Variants in CLIC3 observed in about 807,000 individuals in gnomAD.
CLIC3 encodes chloride intracellular channel protein 3.
A neutral mutation model predicts 19.9 loss-of-function variants in CLIC3; 29 were observed. That is an observed-to-expected ratio of 1.46 (90% confidence interval 1.09 to 1.99). CLIC3 has a LOEUF of 1.99. Ranked by LOEUF, CLIC3 falls within the 30% of genes most tolerant of loss-of-function variation. The pLI is 0.00. For synonymous variants in CLIC3, 143 were observed against 156.4 expected, an observed-to-expected ratio of 0.91 and a Z score of 0.64; for missense variants, 365 against 342.6, an observed-to-expected ratio of 1.07 and a Z score of -0.52.
At position 136,995,092 on chromosome 9, in the gene CLIC3, C is replaced by A; in HGVS notation, c.390G>T (p.Gln130His). The change falls in exon 5 of 6, where the codon CAG (glutamine) becomes CAT (histidine). Residue 130 changes from glutamine to histidine, a missense_variant. Physicochemically the swap from Gln to His is conservative, Grantham distance 24. Coordinates refer to ENST00000494426, the MANE Select transcript of CLIC3 (RefSeq NM_004669.3). Reference sequence around the variant, plus strand: ...CCAGCCTGGCGAGGGCGCGCAGCAGCTGCTGGTACAGGGCTAGGGGGCAGG... The same window carrying A: ...CCAGCCTGGCGAGGGCGCGCAGCAGATGCTGGTACAGGGCTAGGGGGCAGG... The part of the protein sequence containing the change: ...VPAQDEALYQ[Q>H]LLRALARLDS... 6.5e-7 allele frequency: 1 copy of A among 1,531,984 alleles called. No individual in the cohort carries two copies. Among genetic ancestry groups the A allele is most frequent in the South Asian group, 1.2e-5 (1 of 82,852 alleles). The allele number at this position is 1,531,984 out of a possible 1,614,324, so 94.9% of individuals were successfully genotyped here.
At position 136,995,248 on chromosome 9, in the gene CLIC3, C is replaced by T. The variant is rs1830684593; in HGVS notation, c.314G>A (p.Gly105Asp). 6.2e-7 allele frequency: 1 copy of T among 1,612,648 alleles called. No homozygotes were observed. The highest frequency in any genetic ancestry group is 1.7e-5 in the Admixed American group (1 of 60,000). Residue 105 changes from glycine to aspartate, a missense_variant, in exon 4 of 6, where the codon GGC (glycine) becomes GAC (aspartate). Physicochemically the swap from Gly to Asp is moderately conservative, Grantham distance 94 (BLOSUM62 -1). Coordinates refer to ENST00000494426, the MANE Select transcript of CLIC3 (RefSeq NM_004669.3). ...GGAGAACTTGTGGAAAACGTCGTTG[C>T]CGGCGGTGTTGGACTCCCTGTAACG... ...APRYRESNTA[G>D]NDVFHKFSAF... is the part of the protein sequence containing the mutation.
chr9:136,996,348 C>G (rs1202558943), intron 1 of CLIC3, among the ~76,000 whole-genome samples, 163 bp downstream of exon 1: 1 of 152,194 alleles, frequency 6.6e-6, no homozygotes, highest in African/African-American at 2.4e-5. Context: ...CGCTGGGTCC[C>G]ACTTTACTCA....
intron 1 of CLIC3, 83 bp from the exon 2 acceptor site, chr9:136,995,840 C>G (rs1830697665): frequency 1.1e-6 from 1 of 946,132 alleles, no homozygotes; most frequent in African/African-American, 1.7e-5. Context: ...GGACCCGCCT[C>G]CCACTGCCAG....
chr9:136,995,663 G>C lies in CLIC3; in HGVS notation c.128C>G (p.Thr43Arg). 6.2e-7 allele frequency: 1 copy of C among 1,610,750 alleles called. No homozygotes were observed. The highest frequency in any genetic ancestry group is 1.1e-5 in the South Asian group (1 of 90,846). ...GGGGCCTCACCTGCGCGTGTCCACC[G>C]TGGTGAGGGTGAAAGGTACGCCCTT... ...LLKGVPFTLT[T>R]VDTRRSPDVL... Residue 43 changes from threonine to arginine, a missense_variant, in exon 2 of 6, where the codon ACG becomes AGG. Coordinates refer to ENST00000494426, the MANE Select transcript of CLIC3 (RefSeq NM_004669.3).
chr9:136,996,379 G>GT, intron 1 of CLIC3, 132 bp downstream of exon 1: 1 of 818,726 alleles, frequency 1.2e-6, no homozygotes, highest in Non-Finnish European at 2.0e-6. Context: ...GGCTGCCTGA[G>GT]TCCCCCTAGC....
intron 1 of CLIC3, 122 bp downstream of exon 1, chr9:136,996,389 C>A: frequency 1.1e-6 from 1 of 897,004 alleles, no homozygotes; most frequent in East Asian, 2.6e-5. Context: ...GTCCCCCTAG[C>A]CACCCACAGG....
At chr9:136,994,891 C>T (rs1233598208) in intron 5 of CLIC3, 39 bp downstream of exon 5, 10 of 1,474,880 alleles carry the variant, frequency 6.8e-6, no homozygotes, top group Non-Finnish European at 7.1e-6. Flanking sequence ...CCCAGGCGCG[C>T]CGCGGTCACC....
Position 136,994,836 on chromosome 9 carries a change from C to A in CLIC3, c.556G>T (p.Val186Leu), listed in dbSNP as rs981210552. 1.9e-6 allele frequency: 3 copies of A among 1,558,170 alleles called. No homozygotes were observed. Among genetic ancestry groups the A allele is most frequent in the Non-Finnish European group, 2.6e-6 (3 of 1,153,398 alleles). ...LLPKLHIVDT[V>L]CAHFRQAPIP... ...GGCGCCTGGCGGAAGTGCGCGCACA[C>A]CGTCTGCGGGCAGGATCGCGGGGCG... is the stretch of plus-strand genomic sequence containing the variant. The change falls in exon 6 of 6, where the codon GTG (valine) becomes TTG (leucine). Residue 186 changes from valine (V) to leucine (L), a missense_variant. Physicochemically the swap from Val to Leu is conservative, Grantham distance 32. Transcript: ENST00000494426.
Position 136,994,678 on chromosome 9 carries a change from G to A in CLIC3, c.*3C>T. On this transcript the variant is annotated 3_prime_UTR_variant, in exon 6 of 6. Transcript: ENST00000494426. ...TATTGGGCGACAGACGCGGGGTGGGGCGCTAGCGGGGGTGCACGGCGGGCC... is the reference window on the plus strand; with the variant it reads ...TATTGGGCGACAGACGCGGGGTGGGACGCTAGCGGGGGTGCACGGCGGGCC... 1 of 1,605,698 alleles carries A rather than the reference G, an allele frequency of 6.2e-7. No homozygotes were observed. The highest frequency in any genetic ancestry group is 8.5e-7 in the Non-Finnish European group (1 of 1,176,722).
intron 5 of CLIC3, 24 bp from the exon 6 acceptor site, chr9:136,994,863 G>C: frequency 1.4e-5 from 21 of 1,517,316 alleles, no homozygotes; most frequent in Non-Finnish European, 1.8e-5. Context: ...CGCGGGGCGC[G>C]GTCAGGACCT....
intron 1 of CLIC3, 138 bp downstream of exon 1, chr9:136,996,373 G>A: frequency 1.3e-6 from 1 of 777,476 alleles, no homozygotes; most frequent in Non-Finnish European, 2.1e-6. Flanking sequence ...CTGTAGGGCT[G>A]CCTGAGTCCC....
rs950513029 is a variant in CLIC3, at chr9:136,995,479, T to C, written c.232A>G (p.Ile78Val). 3.1e-6 allele frequency: 5 copies of C among 1,612,644 alleles called. No homozygotes were observed. In the East Asian group the frequency reaches 8.9e-5, roughly 29 times the overall value. The change falls in exon 3 of 6, where the codon ATC becomes GTC. Residue 78 changes from isoleucine (I) to valine (V), a missense_variant. Physicochemically the swap from Ile to Val is conservative, Grantham distance 29. Coordinates refer to ENST00000494426, the MANE Select transcript of CLIC3 (RefSeq NM_004669.3). ...DSDAKTDTLQ[I>V]EDFLEETLGP... ...AGCGTCTCCTCCAGAAAGTCCTCGATCTGCAGCGTGTCTGTCTTGGCGTCG... is the reference window on the plus strand; with the variant it reads ...AGCGTCTCCTCCAGAAAGTCCTCGACCTGCAGCGTGTCTGTCTTGGCGTCG...
rs1278420875 is a variant in CLIC3, at chr9:136,995,545, A to G, written c.166T>C (p.Phe56Leu). ...ATGGGCAGCTGCGAGCCGGGGGCGA[A>G]GTCCTTCAGCACGTCCGGGGACCTG... The part of the protein sequence containing the change: ...TRRSPDVLKD[F>L]APGSQLPILL... The change falls in exon 3 of 6, where the codon TTC becomes CTC. Residue 56 changes from phenylalanine to leucine, a missense_variant. Coordinates refer to ENST00000494426, the MANE Select transcript of CLIC3 (RefSeq NM_004669.3). 1 of 1,612,388 alleles carries G rather than the reference A, an allele frequency of 6.2e-7. No homozygotes were observed. The highest frequency in any genetic ancestry group is 1.1e-5 in the South Asian group (1 of 91,078).
chr9:136,996,481 ACCCT>A, intron 1 of CLIC3, 26 bp downstream of exon 1: 1 of 1,549,360 alleles, frequency 6.5e-7, no homozygotes, highest in African/African-American at 1.4e-5. Flanking sequence ...CCTCCCAGAC[ACCCT>A]CCCCGCAGCT....
At chr9:136,995,356 C>T in intron 3 of CLIC3, 64 bp from the exon 4 acceptor site, 1 of 1,609,080 alleles carries the variant, frequency 6.2e-7, no homozygotes, top group Non-Finnish European at 8.5e-7. Context: ...CCCACAGTAC[C>T]CCCACAGCGC....
In CLIC3 at chr9:136,994,850, G is replaced by C. The variant is rs1274881177; in HGVS notation, c.553-11C>G. The C allele has an allele frequency of 7.8e-6, 12 of 1,538,344 alleles. No individual in the cohort carries two copies. The highest frequency in any genetic ancestry group is 1.0e-5 in the Non-Finnish European group (12 of 1,144,486). On this transcript the variant is annotated splice_polypyrimidine_tract_variant and intron_variant, in intron 5 of 5. Coordinates refer to ENST00000494426, the MANE Select transcript of CLIC3 (RefSeq NM_004669.3). ...GTGCGCGCACACCGTCTGCGGGCAG[G>C]ATCGCGGGGCGCGGTCAGGACCTGC...
Position 136,995,077 on chromosome 9 carries a change from G to T in CLIC3, c.405C>A (p.Leu135=). ...EALYQQLLRA[L]ARLDSYLRAP... is the part of the protein sequence containing the mutation. ...CGCGCAGGTAGCTGTCCAGCCTGGC[G>T]AGGGCGCGCAGCAGCTGCTGGTACA... Residue 135 remains leucine, a synonymous_variant, in exon 5 of 6, where the codon CTC becomes CTA. Transcript: ENST00000494426. The T allele has an allele frequency of 6.6e-7, 1 of 1,520,054 alleles. No homozygotes were observed. 94.2% of individuals were successfully genotyped at this position (1,520,054 alleles called of 1,614,324 possible).
chr9:136,995,342 C>T lies in CLIC3; in HGVS notation c.270-50G>A, dbSNP rs768602084. 9.3e-6 allele frequency: 15 copies of T among 1,608,438 alleles called. No individual in the cohort carries two copies. In the South Asian group the frequency reaches 1.2e-4, roughly 13 times the overall value. On this transcript the variant is annotated intron_variant, in intron 3 of 5. Transcript: ENST00000494426. ...CATTAGACTGGGGGCAGCCCCGTCCCGGCCCCACAGTACCCCCACAGCGCC... is the reference window on the plus strand; with the variant it reads ...CATTAGACTGGGGGCAGCCCCGTCCTGGCCCCACAGTACCCCCACAGCGCC...
chr9:136,994,712 G>T lies in CLIC3; in HGVS notation c.680C>A (p.Ala227Glu), dbSNP rs760953696. Residue 227 changes from alanine to glutamate, a missense_variant, in exon 6 of 6, where the codon GCG (alanine) becomes GAG (glutamate). By Grantham distance (107) the Ala-to-Glu change is moderately radical. Transcript: ENST00000494426. Reference sequence around the variant, plus strand: ...GGGGTGCACGGCGGGCCGGTAGGCCGCCAGGATCTCGGCGCTGTGCGGACA... The same window carrying T: ...GGGGTGCACGGCGGGCCGGTAGGCCTCCAGGATCTCGGCGCTGTGCGGACA... ...YTCPHSAEIL[A>E]AYRPAVHPR The T allele has an allele frequency of 1.9e-6, 3 of 1,609,752 alleles. No homozygotes were observed. Among genetic ancestry groups the T allele is most frequent in the Non-Finnish European group, 2.5e-6 (3 of 1,178,710 alleles).
Sources: gnomAD v4.1 joint callset for allele counts (sites outside exome capture counted in the v4.1 genomes callset) on GRCh38, gnomAD v4.1.1 for gene constraint, MANE v1.5 for transcripts, NCBI Gene and HGNC (gene_info 2026-07-23, HGNC 2026-07-21) for gene names.